BLTP1: variants seen among roughly 807,000 people sequenced by gnomAD.
BLTP1 encodes the protein bridge-like lipid transfer protein family member 1.
the BLTP1 span, among the ~76,000 whole-genome samples, chr4:122,245,626 C>T: frequency 1.3e-5 from 2 of 152,148 alleles, no homozygotes; most frequent in Non-Finnish European, 1.5e-5. Context: ...AGTTGCTTAG[C>T]AGTCATATCC....
the BLTP1 span, chr4:122,198,481 A>G: frequency 2.1e-6 from 2 of 961,410 alleles, no homozygotes; most frequent in Non-Finnish European, 2.5e-6. Context: ...GCCTTTTCAC[A>G]ACTGATGATA....
chr4:122,324,653 G>A, the BLTP1 span: 1 of 755,986 alleles, frequency 1.3e-6, no homozygotes, highest in Non-Finnish European at 2.0e-6. Context: ...AATTTTATTA[G>A]TAAAATAGCA....
the BLTP1 span, chr4:122,197,431 T>C: frequency 6.4e-6 from 5 of 780,116 alleles, no homozygotes; most frequent in Non-Finnish European, 7.8e-6. Flanking sequence ...GGAAATATTA[T>C]ATAATTGAGC....
chr4:122,271,321 C>T, the BLTP1 span: 9 of 1,613,810 alleles, frequency 5.6e-6, 1 homozygote, highest in South Asian at 6.6e-5. Flanking sequence ...GATATACAGC[C>T]GGATCTGCTT....
chr4:122,277,470 T>C, the BLTP1 span: 1 of 982,554 alleles, frequency 1.0e-6, no homozygotes. Flanking sequence ...ATTCTTTTGC[T>C]TTACTTCTTT....
chr4:122,350,681 G>A, the BLTP1 span, among the ~76,000 whole-genome samples: 1 of 152,174 alleles, frequency 6.6e-6, no homozygotes, highest in South Asian at 2.1e-4. Flanking sequence ...TTTAGAAAGG[G>A]TGATCATTTA....
chr4:122,341,138 T>C, the BLTP1 span, among the ~76,000 whole-genome samples: 2 of 152,148 alleles, frequency 1.3e-5, no homozygotes, highest in Non-Finnish European at 2.9e-5. Flanking sequence ...CATCTTTGTA[T>C]GTAAATATTT....
At chr4:122,291,965 A>ATT in the BLTP1 span, 62 of 169,402 alleles carry the variant, frequency 3.7e-4, no homozygotes, top group Non-Finnish European at 6.5e-4. Flanking sequence ...TGCATCAAAC[A>ATT]GTTTTTTTTT....
At chr4:122,328,449 C>T in the BLTP1 span, 2 of 1,181,174 alleles carry the variant, frequency 1.7e-6, no homozygotes, top group Non-Finnish European at 2.4e-6. Flanking sequence ...TTACAAAAAA[C>T]ATTTTTAATG....
chr4:122,312,221 A>G, the BLTP1 span, among the ~76,000 whole-genome samples: 23 of 152,250 alleles, frequency 1.5e-4, no homozygotes, highest in Non-Finnish European at 2.6e-4. Flanking sequence ...TTTCCTGTAT[A>G]GATGGAGTCT....
chr4:122,208,489 A>G, the BLTP1 span: 1 of 958,118 alleles, frequency 1.0e-6, no homozygotes, highest in Non-Finnish European at 1.2e-6. Context: ...CAGTTGAAGA[A>G]ATGAGACTTA....
At chr4:122,213,779 T>C in the BLTP1 span, among the ~76,000 whole-genome samples, 2 of 152,190 alleles carry the variant, frequency 1.3e-5, no homozygotes, top group South Asian at 2.1e-4. Context: ...GTAGACAATA[T>C]TGTAATTCTA....
the BLTP1 span, among the ~76,000 whole-genome samples, chr4:122,156,961 C>T: frequency 6.6e-6 from 1 of 152,082 alleles, no homozygotes; most frequent in East Asian, 1.9e-4. Flanking sequence ...AAAGTTTATG[C>T]AGGAGACTCT....
chr4:122,283,410 T>C, the BLTP1 span, among the ~76,000 whole-genome samples: 2 of 152,182 alleles, frequency 1.3e-5, no homozygotes, highest in Admixed American at 1.3e-4. Context: ...TTTTCTATTC[T>C]GCTTCATTGA....
chr4:122,182,955 T>TTCA, the BLTP1 span: 1 of 930,926 alleles, frequency 1.1e-6, no homozygotes, highest in Admixed American at 6.2e-5. Context: ...TATTCTTGAC[T>TTCA]TCATACGTGT....
the BLTP1 span, chr4:122,276,868 G>A: frequency 1.0e-6 from 1 of 982,896 alleles, no homozygotes; most frequent in South Asian, 4.7e-5. Flanking sequence ...ACCTCTGATA[G>A]AGCTACTGTT....
chr4:122,237,087 T>C, the BLTP1 span: 1 of 984,456 alleles, frequency 1.0e-6, no homozygotes, highest in Non-Finnish European at 1.2e-6. Context: ...TTTGTGGTAG[T>C]AGAAGTAACT....
the BLTP1 span, chr4:122,209,105 C>T: frequency 6.6e-7 from 1 of 1,506,308 alleles, no homozygotes; most frequent in Non-Finnish European, 8.9e-7. Flanking sequence ...AAGTATTAAC[C>T]AACATATTTA....
the BLTP1 span, chr4:122,261,379 T>C: frequency 1.0e-6 from 1 of 984,996 alleles, no homozygotes; most frequent in African/African-American, 1.7e-5. Flanking sequence ...GTTATTAAAG[T>C]CCTCTAAAAA....
Sources: allele counts gnomAD v4.1 joint callset (sites outside exome capture counted in the v4.1 genomes callset), GRCh38; gene constraint gnomAD v4.1.1; transcripts MANE v1.5; gene names NCBI Gene and HGNC (gene_info 2026-07-23, HGNC 2026-07-21).